MYO5A: variants seen among roughly 807,000 people sequenced by gnomAD.
MYO5A encodes the protein unconventional myosin-Va.
In MYO5A, 98 loss-of-function variants were observed where a neutral mutation model predicts 249.7. That is an observed-to-expected ratio of 0.39 (90% confidence interval 0.33 to 0.46). MYO5A has a LOEUF of 0.46. MYO5A is among the 20% of genes least tolerant of loss of function. The pLI, the probability that MYO5A is intolerant of heterozygous loss-of-function variation, is 0.98. For synonymous variants in MYO5A, 778 were observed against 810.6 expected (o/e 0.96, Z 0.68); for missense variants, 1,696 against 2,308.8 (o/e 0.73, Z 5.44).
intron 15 of MYO5A, among the ~76,000 whole-genome samples, chr15:52,383,923 G>A (rs564397131): frequency 2.4e-4 from 36 of 152,330 alleles, no homozygotes; most frequent in Non-Finnish European, 5.0e-4. Flanking sequence ...TCTGAGAGAC[G>A]ATATGCACGA....
At chr15:52,448,749 G>C (rs777372496) in intron 1 of MYO5A, among the ~76,000 whole-genome samples, 2 of 151,910 alleles carry the variant, frequency 1.3e-5, no homozygotes, top group African/African-American at 2.4e-5. Context: ...TTGTTTAAAA[G>C]TGTGTAGCAA....
chr15:52,517,412 C>T (rs974620564), intron 1 of MYO5A, among the ~76,000 whole-genome samples: 7 of 152,106 alleles, frequency 4.6e-5, no homozygotes, highest in Admixed American at 2.0e-4. Context: ...GGGCTGGGGG[C>T]GGTGGCTCAC....
At chr15:52,425,085 T>C (rs2075365375) in intron 4 of MYO5A, among the ~76,000 whole-genome samples, 4 of 152,146 alleles carry the variant, frequency 2.6e-5, no homozygotes, top group Admixed American at 2.6e-4. Context: ...CAAGACCCCA[T>C]CTTGAAAGAA....
intron 1 of MYO5A, among the ~76,000 whole-genome samples, chr15:52,473,459 A>G (rs1210121111): frequency 6.6e-6 from 1 of 152,196 alleles, no homozygotes; most frequent in African/African-American, 2.4e-5. Context: ...TTAGACGTGA[A>G]GTCCTTGCCC....
chr15:52,317,289 T>A, intron 39 of MYO5A, 67 bp from the exon 40 acceptor site: 3 of 1,487,322 alleles, frequency 2.0e-6, no homozygotes, highest in Non-Finnish European at 2.8e-6. Flanking sequence ...CTTAATTTTT[T>A]TGTGTGCGGC....
chr15:52,407,907 A>G (rs2043078578), intron 7 of MYO5A, 152 bp downstream of exon 7: 2 of 624,284 alleles, frequency 3.2e-6, no homozygotes, highest in Admixed American at 2.7e-5. Flanking sequence ...CTCTACCCCT[A>G]TGGGTTATTT....
chr15:52,491,057 A>G (rs1219944896), intron 1 of MYO5A, among the ~76,000 whole-genome samples: 1 of 152,128 alleles, frequency 6.6e-6, no homozygotes, highest in Non-Finnish European at 1.5e-5. Flanking sequence ...AACATTACTG[A>G]CCTGTACACT....
At chr15:52,469,895 A>G (rs568495731) in intron 1 of MYO5A, among the ~76,000 whole-genome samples, 1 of 152,182 alleles carries the variant, frequency 6.6e-6, no homozygotes, top group Admixed American at 6.5e-5. Flanking sequence ...TGTAGTGTCT[A>G]TTTGCTCTTG....
intron 1 of MYO5A, among the ~76,000 whole-genome samples, chr15:52,433,601 A>G (rs2075591938): frequency 6.6e-6 from 1 of 151,674 alleles, no homozygotes. Flanking sequence ...TTTTGTTTTT[A>G]ATAAAGATGG....
chr15:52,337,724 G>C (rs912135923), intron 33 of MYO5A, 86 bp downstream of exon 33: 1 of 970,058 alleles, frequency 1.0e-6, no homozygotes, highest in Non-Finnish European at 1.5e-6. Flanking sequence ...CTTCCTGGGA[G>C]GGGGCAGGCA....
chr15:52,467,679 A>G (rs28814321), intron 1 of MYO5A, among the ~76,000 whole-genome samples: 2,811 of 152,270 alleles, frequency 0.018, 62 homozygotes, highest in African/African-American at 0.053. Flanking sequence ...AGCAATCCCC[A>G]GGAAAATAAA....
rs2038422353 is a variant in MYO5A at position 52,323,337 on chromosome 15, T to C, written c.4800+18A>G. ...GAGAAAGTATAGCATGCTGGTTTTG[T>C]AATCAAGGTTTTCTCACCTCTTCTC... On this transcript the variant is annotated intron_variant, in intron 37 of 41. Transcript: ENST00000399233. 1.9e-6 allele frequency: 3 copies of C among 1,599,008 alleles called. No individual in the cohort carries two copies. The highest frequency in any genetic ancestry group is 2.6e-6 in the Non-Finnish European group (3 of 1,166,460).
chr15:52,323,935 C>T (rs780810219), intron 36 of MYO5A: 10 of 167,992 alleles, frequency 6.0e-5, no homozygotes, highest in Non-Finnish European at 1.1e-4. Context: ...ATCCAGGAGG[C>T]GGAGATTGTA....
chr15:52,387,895 T>A lies in MYO5A; in HGVS notation c.1686A>T (p.Glu562Asp), dbSNP rs779743583. The A allele has an allele frequency of 1.7e-5, 28 of 1,611,640 alleles. No individual in the cohort carries two copies. The highest frequency in any genetic ancestry group is 2.2e-5 in the Non-Finnish European group (26 of 1,178,520). ...HFADKVEYQCEGFLEKNKDTV... is the reference protein window; with the variant it reads ...HFADKVEYQCDGFLEKNKDTV... ...TGTCTTTATTCTTTTCGAGAAATCC[T>A]TCACACTGGTATTCCACCTGAAAAC... The change falls in exon 14 of 42, where the codon GAA becomes GAT. Residue 562 changes from glutamate (E) to aspartate (D), a missense_variant. By Grantham distance (45) the Glu-to-Asp change is conservative. This residue lies in a region of MYO5A where 277 missense variants were observed against 422.4 expected (regional missense o/e 0.66). Coordinates refer to ENST00000399233, the MANE Select transcript of MYO5A (RefSeq NM_001382347.1).
At chr15:52,389,446 ATT>A (rs71425744) in intron 12 of MYO5A, 83 bp from the exon 13 acceptor site, 13,004 of 1,006,946 alleles carry the variant, frequency 0.013, no homozygotes, top group Non-Finnish European at 0.015. Context: ...AAGATCTTTT[ATT>A]TTTTTTTTTT....
intron 1 of MYO5A, among the ~76,000 whole-genome samples, chr15:52,439,137 G>A (rs1273492303): frequency 1.3e-5 from 2 of 152,226 alleles, no homozygotes; most frequent in Non-Finnish European, 2.9e-5. Context: ...CCATTCCTTG[G>A]AATCCGTGAG....
Position 52,314,140 on chromosome 15 carries a change from A to G in MYO5A, c.5473T>C (p.Phe1825Leu). Residue 1825 changes from phenylalanine (F) to leucine (L), a missense_variant, in exon 41 of 42, where the codon TTC (phenylalanine) becomes CTC (leucine). By Grantham distance (22) the Phe-to-Leu change is conservative. This residue lies in a region of MYO5A where 625 missense variants were observed against 908.1 expected (regional missense o/e 0.69). Coordinates refer to ENST00000399233, the MANE Select transcript of MYO5A (RefSeq NM_001382347.1). ...GCTCTTACCTGTATAGTACGAATGA[A>G]CGACACAGAGACTCTTTCTTCAAAC... ...NEFEERVSVS[F>L]IRTIQMRLRD... 6.2e-7 allele frequency: 1 copy of G among 1,610,310 alleles called. No homozygotes were observed. The highest frequency in any genetic ancestry group is 1.1e-5 in the South Asian group (1 of 90,996).
At position 52,428,586 on chromosome 15, in the gene MYO5A, C is replaced by T. The variant is rs1400541192; in HGVS notation, c.139-17G>A. 6.2e-7 allele frequency: 1 copy of T among 1,613,678 alleles called. No individual in the cohort carries two copies. Among genetic ancestry groups the T allele is most frequent in the Non-Finnish European group, 8.5e-7 (1 of 1,179,734 alleles). On this transcript the variant is annotated splice_polypyrimidine_tract_variant and intron_variant, in intron 2 of 41. Transcript: ENST00000399233. ...TTCCAAATCCTGAAAATGCACAAGG[C>T]ACAGCATCTGGATGAATTATGGCAA...
chr15:52,325,805 T>C (rs1009321113), intron 36 of MYO5A, among the ~76,000 whole-genome samples: 1 of 152,048 alleles, frequency 6.6e-6, no homozygotes, highest in Non-Finnish European at 1.5e-5. Flanking sequence ...TAAAAGAACA[T>C]TTGCTTCTTT....
Sources: gnomAD v4.1 joint callset for allele counts (sites outside exome capture counted in the v4.1 genomes callset) on GRCh38, gnomAD v4.1.1 for gene constraint, gnomAD v4.1.1 regional missense constraint, MANE v1.5 for transcripts, NCBI Gene and HGNC (gene_info 2026-07-23, HGNC 2026-07-21) for gene names.